Variants in TPMT observed in about 807,000 individuals in gnomAD.
TPMT encodes thiopurine S-methyltransferase.
TPMT carries 18 observed loss-of-function variants against 34.2 expected under a neutral mutation model. The ratio of observed to expected loss-of-function variants is 0.53; its 90% CI spans 0.36 to 0.78. TPMT has a LOEUF of 0.78. Among genes scored for constraint, TPMT ranks in the 30% least tolerant of loss-of-function variants. The pLI, the probability that TPMT is intolerant of heterozygous loss-of-function variation, is 0.00. For missense variants in TPMT, 265 were observed against 288.1 expected (o/e 0.92, Z 0.58); for synonymous variants, 69 against 92.4 (o/e 0.75, Z 1.45).
chr6:18,144,909 C>T (rs143516144), intron 3 of TPMT, among the ~76,000 whole-genome samples: 8,095 of 151,244 alleles, frequency 0.054, 695 homozygotes, highest in African/African-American at 0.18. Context: ...TTAGTAGAGA[C>T]GGGGTTTCAC....
At chr6:18,137,655 T>C (rs1456424254) in intron 6 of TPMT, among the ~76,000 whole-genome samples, 1 of 150,816 alleles carries the variant, frequency 6.6e-6, no homozygotes, top group Non-Finnish European at 1.5e-5. Context: ...TAACAATGCT[T>C]CAATAATAAC....
intron 3 of TPMT, among the ~76,000 whole-genome samples, chr6:18,147,005 G>A (rs1303937501): frequency 6.6e-6 from 1 of 151,984 alleles, no homozygotes; most frequent in African/African-American, 2.4e-5. Context: ...GTCCAGACTG[G>A]TCTCAAATTC....
Position 18,139,590 on chromosome 6 carries a change from C to T in TPMT, c.419+75G>A. On this transcript the variant is annotated intron_variant, in intron 5 of 8. Coordinates refer to ENST00000309983, the MANE Select transcript of TPMT (RefSeq NM_000367.5). The surrounding 1 kb of genome is among the most constrained non-coding windows in gnomAD (Gnocchi z 4.2). The stretch of plus-strand genomic sequence containing the variant: ...CACAGGAGGAAGAGAGTGAGGAAGA[C>T]ACCTCCACTCCCATGCCTGCACTGC... 1 of 1,182,158 alleles carries T rather than the reference C, an allele frequency of 8.5e-7. No homozygotes were observed. Among genetic ancestry groups the T allele is most frequent in the East Asian group, 2.3e-5 (1 of 42,926 alleles). The allele number at this position is 1,182,158 out of a possible 1,614,324, so 73.2% of individuals were successfully genotyped here. A position where few individuals can be genotyped will look rare whatever the true frequency, so the allele number is the denominator to read the frequency against.
chr6:18,141,578 G>A (rs1287633637), intron 4 of TPMT, among the ~76,000 whole-genome samples: 1 of 152,122 alleles, frequency 6.6e-6, no homozygotes, highest in East Asian at 1.9e-4. Flanking sequence ...GACCTCAAGT[G>A]ATCCACCCAC....
rs1441482688 is a variant in TPMT at position 18,154,317 on chromosome 6, TTCTAGTC to T, written c.-45+709_-45+715del. Among the ~76,000 whole-genome samples the T allele has an allele frequency of 6.6e-6, 1 of 152,210 alleles. No homozygotes were observed. The highest frequency in any genetic ancestry group is 1.9e-4 in the East Asian group (1 of 5,208). ...GCCCACAAACAAAGTCCTCAAGTTG[TTCTAGTC>T]TCCATTCTCACCTTTTCAAAAGCTT... is the stretch of plus-strand genomic sequence containing the variant. On this transcript the variant is annotated intron_variant, in intron 1 of 8. Transcript: ENST00000309983. The surrounding 1 kb of genome is among the most constrained non-coding windows in gnomAD (Gnocchi z 4.2).
chr6:18,142,751 G>A (rs73379163), intron 4 of TPMT, among the ~76,000 whole-genome samples: 1,971 of 152,074 alleles, frequency 0.013, 47 homozygotes, highest in African/African-American at 0.045. Flanking sequence ...TCTAGAAAAA[G>A]ATTCATTCTT....
Position 18,143,595 on chromosome 6 carries a change from C to A in TPMT, c.366+1G>T. ...AATTATTTACCCAAATCAAAACAAA[C>A]CTTAAATACTTTGGTTCCAGGAATT... On this transcript the variant is annotated splice_donor_variant, in intron 4 of 8. Coordinates refer to ENST00000309983, the MANE Select transcript of TPMT (RefSeq NM_000367.5). LOFTEE classifies it high-confidence loss of function. The surrounding 1 kb of genome is among the most constrained non-coding windows in gnomAD (Gnocchi z 6.1). The A allele has an allele frequency of 2.5e-6, 4 of 1,612,218 alleles. No individual in the cohort carries two copies. The highest frequency in any genetic ancestry group is 2.5e-6 in the Non-Finnish European group (3 of 1,179,956).
At position 18,128,328 on chromosome 6, in the gene TPMT, A is replaced by G. The variant is rs539430078; in HGVS notation, c.*2340T>C. ...AAGAAGCATTTTTGGAAAATCCTGA[A>G]AACAATTTAATTGCTCTAAAATAAT... is the stretch of plus-strand genomic sequence containing the variant. On this transcript the variant is annotated 3_prime_UTR_variant, in exon 9 of 9. Transcript: ENST00000309983. The surrounding 1 kb of genome is among the most constrained non-coding windows in gnomAD (Gnocchi z 4.6). 8 of 152,350 alleles carry G rather than the reference A, an allele frequency of 5.3e-5. No individual in the cohort carries two copies. In the East Asian group the frequency reaches 1.5e-3, roughly 29 times the overall value. The allele number at this position is 152,350 out of a possible 1,614,324, so 9.4% of individuals were successfully genotyped here.
rs760696702 is a variant in TPMT, at chr6:18,144,367, T to TTTTA, written c.234-643_234-640dup. On this transcript the variant is annotated intron_variant, in intron 3 of 8. Transcript: ENST00000309983. ...TATACAAATAGCATTGTCCTGGTAATTTTATTTATTTATTTATTTATTTTT... is the reference window on the plus strand; with the variant it reads ...TATACAAATAGCATTGTCCTGGTAATTTTATTTATTTATTTATTTATTTATTTTT... Among the ~76,000 whole-genome samples, 441 of 152,186 alleles carry TTTTA rather than the reference T, an allele frequency of 2.9e-3. 3 individuals are homozygous for TTTTA. Among genetic ancestry groups the TTTTA allele is most frequent in the Non-Finnish European group, 3.9e-3 (264 of 68,000 alleles).
In TPMT at chr6:18,149,186, T is replaced by C; in HGVS notation, c.-44-15A>G. ...GTCTTCCGTGCCTACGTGGAAAATA[T>C]TTGCAATGTTGTCATTTAAGGTCAT... On this transcript the variant is annotated splice_polypyrimidine_tract_variant and intron_variant, in intron 1 of 8. Coordinates refer to ENST00000309983, the MANE Select transcript of TPMT (RefSeq NM_000367.5). This position sits in a 1 kb window ranked among gnomAD's most constrained non-coding sequence, Gnocchi z 5.0. 2 of 1,608,444 alleles carry C rather than the reference T, an allele frequency of 1.2e-6. No individual in the cohort carries two copies. Among genetic ancestry groups the C allele is most frequent in the Non-Finnish European group, 1.7e-6 (2 of 1,176,108 alleles).
chr6:18,130,603 G>C lies in TPMT; in HGVS notation c.*65C>G. On this transcript the variant is annotated 3_prime_UTR_variant, in exon 9 of 9. Coordinates refer to ENST00000309983, the MANE Select transcript of TPMT (RefSeq NM_000367.5). This position sits in a 1 kb window ranked among gnomAD's most constrained non-coding sequence, Gnocchi z 4.2. ...AAAAATTCATCCATTACATTTTCAG[G>C]CTTTAGCATAATTTTCAATTCCTCA... 9.3e-7 allele frequency: 1 copy of C among 1,072,946 alleles called. No homozygotes were observed. The highest frequency in any genetic ancestry group is 1.4e-6 in the Non-Finnish European group (1 of 696,228). The allele number at this position is 1,072,946 out of a possible 1,614,324, so 66.5% of individuals were successfully genotyped here.
At position 18,148,270 on chromosome 6, in the gene TPMT, T is replaced by G. The variant is rs904996618; in HGVS notation, c.141-355A>C. On this transcript the variant is annotated intron_variant, in intron 2 of 8. Transcript: ENST00000309983. This position sits in a 1 kb window ranked among gnomAD's most constrained non-coding sequence, Gnocchi z 4.1. The stretch of plus-strand genomic sequence containing the variant: ...TTTCATGGTACGTTCTCTAAACGTG[T>G]ACTCAAGCCTCGGAAGTAAACCTGA... Among the ~76,000 whole-genome samples, 2 of 152,210 alleles carry G rather than the reference T, an allele frequency of 1.3e-5. No individual in the cohort carries two copies. Among genetic ancestry groups the G allele is most frequent in the African/African-American group, 4.8e-5 (2 of 41,450 alleles).
intron 6 of TPMT, among the ~76,000 whole-genome samples, chr6:18,134,157 A>T (rs1783999017): frequency 6.6e-6 from 1 of 152,230 alleles, no homozygotes; most frequent in African/African-American, 2.4e-5. Context: ...ACATTACATA[A>T]GGATGGGTAG....
chr6:18,154,597 C>A lies in TPMT; in HGVS notation c.-45+436G>T, dbSNP rs1231300157. Among the ~76,000 whole-genome samples, 1 of 151,848 alleles carries A rather than the reference C, an allele frequency of 6.6e-6. No individual in the cohort carries two copies. The highest frequency in any genetic ancestry group is 1.5e-5 in the Non-Finnish European group (1 of 67,986). ...CAGGCTGGGGAAAAAACCGAGAGTCCGTTTCTATAAAAAAAAATTTGAAAA... is the reference window on the plus strand; with the variant it reads ...CAGGCTGGGGAAAAAACCGAGAGTCAGTTTCTATAAAAAAAAATTTGAAAA... On this transcript the variant is annotated intron_variant, in intron 1 of 8. Coordinates refer to ENST00000309983, the MANE Select transcript of TPMT (RefSeq NM_000367.5). The surrounding 1 kb of genome is among the most constrained non-coding windows in gnomAD (Gnocchi z 4.2).
At chr6:18,147,344 A>G (rs1451733252) in intron 3 of TPMT, among the ~76,000 whole-genome samples, 1 of 152,214 alleles carries the variant, frequency 6.6e-6, no homozygotes, top group Non-Finnish European at 1.5e-5. Flanking sequence ...CTGGTTTTAT[A>G]ACAATGATTC....
chr6:18,155,169 TCC>T (rs1784480634), upstream of TPMT: 2 of 62,666 alleles, frequency 3.2e-5, no homozygotes, highest in East Asian at 3.5e-4. This position sits in a 1 kb window ranked among gnomAD's most constrained non-coding sequence, Gnocchi z 6.2. Context: ...GCGCCCCGCC[TCC>T]GCCCGCGCCC....
intron 6 of TPMT, among the ~76,000 whole-genome samples, chr6:18,137,126 G>GTTTTTTTTTTTGGTTGTTTGTTTGT (rs11448292): frequency 1.3e-5 from 2 of 149,938 alleles, no homozygotes; most frequent in African/African-American, 4.9e-5. Flanking sequence ...AGCCTAACCT[G>GTTTTTTTTTTTGGTTGTTTGTTTGT]TTTTTTTTTT....
At position 18,132,755 on chromosome 6, in the gene TPMT, T is replaced by C. The variant is rs935188195; in HGVS notation, c.581-578A>G. Among the ~76,000 whole-genome samples the C allele has an allele frequency of 2.0e-5, 3 of 151,976 alleles. No homozygotes were observed. The highest frequency in any genetic ancestry group is 7.3e-5 in the African/African-American group (3 of 41,366). On this transcript the variant is annotated intron_variant, in intron 7 of 8. Transcript: ENST00000309983. The surrounding 1 kb of genome is among the most constrained non-coding windows in gnomAD (Gnocchi z 4.8). The stretch of plus-strand genomic sequence containing the variant: ...CTCTGATTTAATTAGGGACACTAGG[T>C]CTCATCTTTTAATGAGTTTTTAAGA...
chr6:18,152,809 A>G (rs773755979), intron 1 of TPMT, among the ~76,000 whole-genome samples: 2 of 152,066 alleles, frequency 1.3e-5, no homozygotes, highest in Non-Finnish European at 2.9e-5. Context: ...CTTAAGGGAA[A>G]CCAGCCCTTT....
Sources: allele counts gnomAD v4.1 joint callset (sites outside exome capture counted in the v4.1 genomes callset), GRCh38; gene constraint gnomAD v4.1.1; non-coding constraint Gnocchi (gnomAD v3.1); transcripts MANE v1.5; gene names NCBI Gene and HGNC (gene_info 2026-07-23, HGNC 2026-07-21).